Variants in MTHFD1L observed in about 807,000 individuals in gnomAD.
MTHFD1L encodes the protein monofunctional C1-tetrahydrofolate synthase, mitochondrial.
Under a neutral mutation model 119.5 loss-of-function variants are expected in MTHFD1L, and 81 were observed. The ratio of observed to expected loss-of-function variants is 0.68; its 90% CI spans 0.57 to 0.82. The LOEUF is 0.82. Among genes scored for constraint, MTHFD1L ranks in the 40% least tolerant of loss-of-function variants. The pLI is 0.00. For synonymous variants in MTHFD1L, 430 were observed against 475.2 expected (o/e 0.90, Z 1.24); for missense variants, 1,125 against 1,253.4 (o/e 0.90, Z 1.55).
At chr6:151,093,138 C>T (rs1480766311) in intron 27 of MTHFD1L, among the ~76,000 whole-genome samples, 1 of 152,114 alleles carries the variant, frequency 6.6e-6, no homozygotes, top group Non-Finnish European at 1.5e-5. Flanking sequence ...CCAGGCCATA[C>T]GCCACCTCGA....
At chr6:150,899,319 A>G (rs1318513165) in intron 7 of MTHFD1L, among the ~76,000 whole-genome samples, 1 of 152,230 alleles carries the variant, frequency 6.6e-6, no homozygotes. Flanking sequence ...TCAAATTTTA[A>G]AAGCCAATAA....
chr6:150,948,981 GCTTT>G, intron 15 of MTHFD1L, 46 bp from the exon 16 acceptor site: 1 of 1,481,160 alleles, frequency 6.8e-7, no homozygotes, highest in Non-Finnish European at 9.4e-7. Flanking sequence ...GTGACCCTTT[GCTTT>G]CTGTTTCTTC....
At chr6:151,021,806 T>G (rs1395101603) in intron 24 of MTHFD1L, among the ~76,000 whole-genome samples, 2 of 152,222 alleles carry the variant, frequency 1.3e-5, no homozygotes, top group East Asian at 3.8e-4. Context: ...GAGCCCTTAG[T>G]GATATCATAA....
chr6:150,972,041 G>A lies in MTHFD1L; in HGVS notation c.2108G>A (p.Gly703Asp). Residue 703 changes from glycine to aspartate, a missense_variant, in exon 20 of 28, where the codon GGT (glycine) becomes GAT (aspartate). Gly to Asp is a moderately conservative substitution (Grantham distance 94). This residue lies in a region of MTHFD1L where 1,058 missense variants were observed against 1,151.2 expected (regional missense o/e 0.92). Transcript: ENST00000367321. ...LADKIALKLVGEEGFVVTEAG... is the reference protein window; with the variant it reads ...LADKIALKLVDEEGFVVTEAG... Reference sequence around the variant, plus strand: ...GATAAAATTGCCCTGAAACTGGTTGGTGAAGAAGGATTTGTAGGTAAGTTA... The same window carrying A: ...GATAAAATTGCCCTGAAACTGGTTGATGAAGAAGGATTTGTAGGTAAGTTA... The A allele has an allele frequency of 6.2e-7, 1 of 1,613,994 alleles. No homozygotes were observed. The highest frequency in any genetic ancestry group is 8.5e-7 in the Non-Finnish European group (1 of 1,179,870).
intron 19 of MTHFD1L, among the ~76,000 whole-genome samples, chr6:150,971,209 T>A: frequency 6.6e-6 from 1 of 152,302 alleles, no homozygotes; most frequent in Middle Eastern, 3.4e-3. Flanking sequence ...ATTATTTTTT[T>A]CATTTTTGAG....
chr6:150,951,338 C>T (rs1794853300), intron 16 of MTHFD1L, among the ~76,000 whole-genome samples: 1 of 152,004 alleles, frequency 6.6e-6, no homozygotes, highest in South Asian at 2.1e-4. Context: ...AGCCTAGAAA[C>T]TTTCAAGGAT....
chr6:151,008,936 G>C (rs1781789186), intron 20 of MTHFD1L, among the ~76,000 whole-genome samples: 1 of 150,878 alleles, frequency 6.6e-6, no homozygotes, highest in Non-Finnish European at 1.5e-5. Context: ...GGCCAACATG[G>C]CAAAAACCCG....
intron 11 of MTHFD1L, among the ~76,000 whole-genome samples, chr6:150,928,891 T>G (rs1790519898): frequency 6.6e-6 from 1 of 152,108 alleles, no homozygotes; most frequent in Non-Finnish European, 1.5e-5. Context: ...CCTCTCTGAA[T>G]CCCTCAGCAG....
chr6:151,039,682 C>T lies in MTHFD1L; in HGVS notation c.2847+2565C>T, dbSNP rs565080042. Among the ~76,000 whole-genome samples the T allele has an allele frequency of 2.0e-5, 3 of 152,142 alleles. No homozygotes were observed. Among genetic ancestry groups the T allele is most frequent in the South Asian group, 4.2e-4 (2 of 4,818 alleles). The stretch of plus-strand genomic sequence containing the variant: ...CTGTAATCCCAGCACTTTGGGAGGC[C>T]GAGGCGGGCGGATCACAAGGTCAGG... On this transcript the variant is annotated intron_variant, in intron 26 of 27. Coordinates refer to ENST00000367321, the MANE Select transcript of MTHFD1L (RefSeq NM_015440.5). This position sits in a 1 kb window ranked among gnomAD's most constrained non-coding sequence, Gnocchi z 4.4.
Position 150,927,455 on chromosome 6 carries a change from C to CTT in MTHFD1L, c.1256+1178_1256+1179dup, listed in dbSNP as rs543783528. Among the ~76,000 whole-genome samples, 291 of 125,042 alleles carry CTT rather than the reference C, an allele frequency of 2.3e-3. 2 individuals are homozygous for CTT. The highest frequency in any genetic ancestry group is 4.1e-3 in the African/African-American group (133 of 32,442). The allele number at this position is 125,042 out of a possible 152,430, so 82.0% of individuals were successfully genotyped here. On this transcript the variant is annotated intron_variant, in intron 11 of 27. Coordinates refer to ENST00000367321, the MANE Select transcript of MTHFD1L (RefSeq NM_015440.5). ...CATTCCATCACTCACATCCCAGATTCTTTTTTTTTTTTTTTTTTTGAGACA... is the reference window on the plus strand; with the variant it reads ...CATTCCATCACTCACATCCCAGATTCTTTTTTTTTTTTTTTTTTTTTGAGACA...
chr6:151,090,869 GCCCCATGCGACTGGGTGCAGCA>G (rs1554301664), intron 26 of MTHFD1L, among the ~76,000 whole-genome samples: 2 of 145,106 alleles, frequency 1.4e-5, no homozygotes, highest in East Asian at 2.0e-4. Context: ...GTGCAGCATC[GCCCCATGCGACTGGGTGCAGCA>G]TTGCCCCATG....
intron 8 of MTHFD1L, among the ~76,000 whole-genome samples, chr6:150,908,520 G>A (rs527805275): frequency 2.0e-5 from 3 of 151,800 alleles, no homozygotes; most frequent in Admixed American, 6.6e-5. Context: ...CCAGCTACTC[G>A]GGAAGCTGAG....
At chr6:150,929,821 C>T (rs1268122398) in intron 11 of MTHFD1L, among the ~76,000 whole-genome samples, 2 of 151,972 alleles carry the variant, frequency 1.3e-5, no homozygotes, top group African/African-American at 4.8e-5. Context: ...GTTTCTTTAC[C>T]TAACAAAGAC....
chr6:150,978,501 A>G (rs1462569744), intron 20 of MTHFD1L, among the ~76,000 whole-genome samples: 2 of 152,200 alleles, frequency 1.3e-5, no homozygotes, highest in African/African-American at 4.8e-5. Flanking sequence ...CAGAGGAGAA[A>G]TATGAGACAA....
Position 150,890,796 on chromosome 6 carries a change from G to C in MTHFD1L, c.780+2815G>C, listed in dbSNP as rs191398481. On this transcript the variant is annotated intron_variant, in intron 7 of 27. Transcript: ENST00000367321. ...TAACTTGGAAGAGAGCCAAGCAGGCGACTTGAAAAACCAAGTGCACTGCAA... is the reference window on the plus strand; with the variant it reads ...TAACTTGGAAGAGAGCCAAGCAGGCCACTTGAAAAACCAAGTGCACTGCAA... Among the ~76,000 whole-genome samples the C allele has an allele frequency of 3.1e-3, 475 of 152,274 alleles. 1 individual carries two copies. The highest frequency in any genetic ancestry group is 3.8e-3 in the Non-Finnish European group (261 of 68,020).
chr6:151,049,421 G>A (rs1222490089), intron 26 of MTHFD1L, among the ~76,000 whole-genome samples: 3 of 151,722 alleles, frequency 2.0e-5, no homozygotes, highest in African/African-American at 7.3e-5. Flanking sequence ...GAACCCGGGA[G>A]GCGGAGCTTG....
chr6:150,895,450 G>T (rs941602680), intron 7 of MTHFD1L, among the ~76,000 whole-genome samples: 5 of 152,134 alleles, frequency 3.3e-5, no homozygotes, highest in Admixed American at 2.6e-4. Context: ...GCATGCCGAA[G>T]AAATAACCTA....
chr6:150,983,260 C>CA (rs1777806131), intron 20 of MTHFD1L, among the ~76,000 whole-genome samples: 1 of 146,516 alleles, frequency 6.8e-6, no homozygotes, highest in Admixed American at 7.6e-5. Flanking sequence ...TTTTCTTGTC[C>CA]ACCCTTTTCT....
chr6:151,097,369 A>G (rs1394741751), intron 27 of MTHFD1L, among the ~76,000 whole-genome samples: 1 of 152,236 alleles, frequency 6.6e-6, no homozygotes, highest in African/African-American at 2.4e-5. Context: ...GCATCTACAG[A>G]CAAATGGTTA....
Sources: gnomAD v4.1 joint callset for allele counts (sites outside exome capture counted in the v4.1 genomes callset) on GRCh38, gnomAD v4.1.1 for gene constraint, gnomAD v4.1.1 regional missense constraint, Gnocchi (gnomAD v3.1) non-coding constraint, MANE v1.5 for transcripts, NCBI Gene and HGNC (gene_info 2026-07-23, HGNC 2026-07-21) for gene names.